SPDYE18: variants seen among roughly 807,000 people sequenced by gnomAD.
SPDYE18 encodes speedy protein E18.
A neutral mutation model predicts 44.9 loss-of-function variants in SPDYE18; 6 were observed. The observed-to-expected ratio is 0.13, with a 90% confidence interval of 0.07 to 0.26. SPDYE18 has a LOEUF of 0.26. Ranked by LOEUF, SPDYE18 falls within the 10% of genes least tolerant of loss-of-function variation. The pLI is 1.00. For missense variants in SPDYE18, 121 were observed against 463.2 expected, an observed-to-expected ratio of 0.26 and a Z score of 6.78; for synonymous variants, 35 against 177.1, an observed-to-expected ratio of 0.20 and a Z score of 6.37.
rs1789794208 is a variant in SPDYE18 at position 77,051,405 on chromosome 7, A to G, written c.*520T>C. On this transcript the variant is annotated 3_prime_UTR_variant, in exon 9 of 9. Coordinates refer to ENST00000510091, the MANE Select transcript of SPDYE18 (RefSeq NM_001394953.1). The stretch of plus-strand genomic sequence containing the variant: ...TAAATCTATGAATAATTCAATGGCC[A>G]ACATTTCCAAACAAACCAATAAAAT... Among the ~76,000 whole-genome samples the G allele has an allele frequency of 6.6e-6, 1 of 152,414 alleles. No homozygotes were observed. Among genetic ancestry groups the G allele is most frequent in the Admixed American group, 6.5e-5 (1 of 15,312 alleles).
At chr7:77,053,424 C>T (rs1320652073) in intron 6 of SPDYE18, among the ~76,000 whole-genome samples, 2 of 152,182 alleles carry the variant, frequency 1.3e-5, no homozygotes, top group African/African-American at 4.8e-5. Context: ...AACTGGTGGC[C>T]GAGAGTGGTG....
At position 77,060,554 on chromosome 7, in the gene SPDYE18, A is replaced by C. The variant is rs1206121837; in HGVS notation, c.-42T>G. The C allele has an allele frequency of 6.5e-7, 1 of 1,534,644 alleles. No homozygotes were observed. Among genetic ancestry groups the C allele is most frequent in the East Asian group, 2.4e-5 (1 of 40,908 alleles). ...CTGCTAGGATCCAGAAGAGTATGTT[A>C]TCAATTCTCAAGCCTAGGAGAAGTC... is the stretch of plus-strand genomic sequence containing the variant. On this transcript the variant is annotated 5_prime_UTR_variant, in exon 2 of 9. Coordinates refer to ENST00000510091, the MANE Select transcript of SPDYE18 (RefSeq NM_001394953.1).
chr7:77,062,128 CA>C (rs1296468757), intron 1 of SPDYE18, among the ~76,000 whole-genome samples: 1 of 141,482 alleles, frequency 7.1e-6, no homozygotes. Context: ...AACTCCATCT[CA>C]AAAAAAATAA....
In SPDYE18 at chr7:77,055,790, A is replaced by G. The variant is rs879339643; in HGVS notation, c.670-469T>C. 0.011 allele frequency among the ~76,000 whole-genome samples: 1,526 copies of G among 142,254 alleles called. 12 individuals carry two copies. The East Asian group carries it at 0.14, about 13-fold the overall frequency. The allele number at this position is 142,254 out of a possible 152,430, so 93.3% of individuals were successfully genotyped here. On this transcript the variant is annotated intron_variant, in intron 5 of 8. Coordinates refer to ENST00000510091, the MANE Select transcript of SPDYE18 (RefSeq NM_001394953.1). ...AGGGAGATGCTGACAAATCATAAAA[A>G]GACCAAGAATAGCCGGGAGTGGTGG...
At position 77,059,274 on chromosome 7, in the gene SPDYE18, T is replaced by C; in HGVS notation, c.285A>G (p.Val95=). ...ELAPEPEETW[V]VEMLCGLKMK... The stretch of plus-strand genomic sequence containing the variant: ...TCTTGAGCCCACACAGCATCTCCAC[T>C]ACCCAGGTCTCCTCAGGCTCAGGGG... Residue 95 remains valine, a synonymous_variant, in exon 3 of 9, where the codon GTA becomes GTG. Coordinates refer to ENST00000510091, the MANE Select transcript of SPDYE18 (RefSeq NM_001394953.1). The C allele has an allele frequency of 6.4e-7, 1 of 1,558,454 alleles. No individual in the cohort carries two copies. Among genetic ancestry groups the C allele is most frequent in the Admixed American group, 1.9e-5 (1 of 52,340 alleles).
At chr7:77,055,020 G>A (rs1378647657) in intron 6 of SPDYE18, among the ~76,000 whole-genome samples, 17 of 152,210 alleles carry the variant, frequency 1.1e-4, no homozygotes, top group Admixed American at 2.0e-4. Flanking sequence ...TGCCTGCCTC[G>A]GCCTCCCAAA....
At chr7:77,055,009 C>CCA (rs1178438620) in intron 6 of SPDYE18, among the ~76,000 whole-genome samples, 1 of 152,268 alleles carries the variant, frequency 6.6e-6, no homozygotes, top group Non-Finnish European at 1.5e-5. Context: ...CTCAGGTGAT[C>CCA]TGCCTGCCTC....
chr7:77,056,507 C>A (rs1373905834), intron 5 of SPDYE18, 43 bp downstream of exon 5: 3 of 628,312 alleles, frequency 4.8e-6, no homozygotes, highest in Non-Finnish European at 5.1e-6. Flanking sequence ...CTCCCCCCAG[C>A]CATGCGTTGG....
rs567323305 is a variant in SPDYE18 at position 77,053,196 on chromosome 7, C to T, written c.763G>A (p.Ala255Thr). The T allele has an allele frequency of 3.1e-6, 5 of 1,613,386 alleles. No homozygotes were observed. The highest frequency in any genetic ancestry group is 2.7e-5 in the African/African-American group (2 of 74,966). The change falls in exon 7 of 9, where the codon GCC (alanine) becomes ACC (threonine). Residue 255 changes from alanine to threonine, a missense_variant. Physicochemically the swap from Ala to Thr is moderately conservative, Grantham distance 58. Transcript: ENST00000510091. ...TCGTCGTCCTCCTCCATGTCATTGG[C>T]CAGGTAGCTGAGGACAGAAATCAGG... ...RIHFFLALYLANDMEEDDEDP... is the reference protein window; with the variant it reads ...RIHFFLALYLTNDMEEDDEDP...
At chr7:77,053,478 G>T (rs1272348471) in intron 6 of SPDYE18, among the ~76,000 whole-genome samples, 3 of 152,272 alleles carry the variant, frequency 2.0e-5, no homozygotes, top group African/African-American at 7.2e-5. Flanking sequence ...CAAAGCAGGA[G>T]GATCACTTGA....
chr7:77,052,461 G>T lies in SPDYE18; in HGVS notation c.*45+272C>A, dbSNP rs1418083190. ...TATTTATGATTATTTTTGAGGCAGG[G>T]TCTCACTCTGTCGCCCAGACTGGAG... On this transcript the variant is annotated intron_variant, in intron 8 of 8. Coordinates refer to ENST00000510091, the MANE Select transcript of SPDYE18 (RefSeq NM_001394953.1). Among the ~76,000 whole-genome samples, 9 of 152,170 alleles carry T rather than the reference G, an allele frequency of 5.9e-5. No homozygotes were observed. In the East Asian group the frequency reaches 1.8e-3, roughly 30 times the overall value.
chr7:77,051,957 G>C (rs1211522358), intron 8 of SPDYE18, among the ~76,000 whole-genome samples, 78 bp from the exon 9 acceptor site: 1 of 146,700 alleles, frequency 6.8e-6, no homozygotes, highest in Non-Finnish European at 1.5e-5. Context: ...CCCATGTCAA[G>C]TCTAGAGTTC....
At chr7:77,052,448 T>C (rs1789821141) in intron 8 of SPDYE18, among the ~76,000 whole-genome samples, 1 of 151,968 alleles carries the variant, frequency 6.6e-6, no homozygotes, top group African/African-American at 2.4e-5. Flanking sequence ...TTTATGATTA[T>C]TTTTGAGGCA....
intron 3 of SPDYE18, among the ~76,000 whole-genome samples, chr7:77,058,538 A>T (rs550047575): frequency 0.021 from 2,341 of 114,052 alleles, 12 homozygotes; most frequent in African/African-American, 0.07. Context: ...ACAGCGTCTC[A>T]CTCTCTCACC....
chr7:77,053,249 G>C, intron 6 of SPDYE18, 46 bp from the exon 7 acceptor site: 1 of 1,610,498 alleles, frequency 6.2e-7, no homozygotes, highest in Non-Finnish European at 8.5e-7. Context: ...CACCAGGAGA[G>C]GCCTCCGGCT....
intron 6 of SPDYE18, among the ~76,000 whole-genome samples, chr7:77,054,087 C>G (rs4729112): frequency 0.15 from 21,979 of 142,598 alleles, 491 homozygotes; most frequent in East Asian, 0.42. Context: ...ATGGGACTGG[C>G]AGTAACCAAG....
chr7:77,054,150 C>T (rs1300534770), intron 6 of SPDYE18, among the ~76,000 whole-genome samples: 1 of 151,952 alleles, frequency 6.6e-6, no homozygotes, highest in East Asian at 1.9e-4. Flanking sequence ...TACGGGCATG[C>T]AGAAGTTGGA....
rs1197786840 is a variant in SPDYE18 at position 77,060,841 on chromosome 7, C to T, written c.-329G>A. On this transcript the variant is annotated 5_prime_UTR_variant, in exon 2 of 9. Transcript: ENST00000510091. ...TTCAGGGACTCCACATCCCTGTGTT[C>T]CCTGTCCCAGCAGAGGCTGTGTCCT... 6.6e-6 allele frequency among the ~76,000 whole-genome samples: 1 copy of T among 151,514 alleles called. No individual in the cohort carries two copies. Among genetic ancestry groups the T allele is most frequent in the Non-Finnish European group, 1.5e-5 (1 of 67,922 alleles).
intron 6 of SPDYE18, among the ~76,000 whole-genome samples, chr7:77,053,602 T>A (rs9800994): frequency 2.1e-5 from 3 of 139,752 alleles, no homozygotes; most frequent in Non-Finnish European, 4.8e-5. Context: ...CACTTTAGAA[T>A]GCTGAAGCAG....
Sources: allele counts gnomAD v4.1 joint callset (sites outside exome capture counted in the v4.1 genomes callset), GRCh38; gene constraint gnomAD v4.1.1; transcripts MANE v1.5; gene names NCBI Gene and HGNC (gene_info 2026-07-23, HGNC 2026-07-21).